Variants in SYNE2 observed in about 807,000 individuals in gnomAD.
The protein encoded by SYNE2 is spectrin repeat containing nuclear envelope protein 2.
A neutral mutation model predicts 856.3 loss-of-function variants in SYNE2; 431 were observed. The ratio of observed to expected loss-of-function variants is 0.50; its 90% CI spans 0.47 to 0.55. The LOEUF (loss-of-function observed/expected upper bound fraction) is 0.55. Among genes scored for constraint, SYNE2 ranks in the 20% least tolerant of loss-of-function variants. The pLI is 0.00. For missense variants in SYNE2, 8,129 were observed against 8,023.2 expected (o/e 1.01, Z -0.50); for synonymous variants, 2,923 against 2,872.3 (o/e 1.02, Z -0.56).
At chr14:64,194,203 G>A (rs2098530691) in intron 99 of SYNE2, among the ~76,000 whole-genome samples, 1 of 152,142 alleles carries the variant, frequency 6.6e-6, no homozygotes, top group Non-Finnish European at 1.5e-5. Flanking sequence ...TTGATGACAA[G>A]AAATATTATA....
chr14:64,180,051 T>G (rs1222720786), intron 96 of SYNE2, among the ~76,000 whole-genome samples: 2 of 152,256 alleles, frequency 1.3e-5, no homozygotes, highest in Non-Finnish European at 2.9e-5. Context: ...GATTTTTGCA[T>G]ACGTTTTAAG....
chr14:64,224,783 A>C (rs553412125), intron 114 of SYNE2, among the ~76,000 whole-genome samples: 1 of 152,178 alleles, frequency 6.6e-6, no homozygotes, highest in South Asian at 2.1e-4. Context: ...GCCATTAAAA[A>C]CTTCAACACA....
Position 64,113,505 on chromosome 14 carries a change from A to G in SYNE2, c.12774A>G (p.Ala4258=), listed in dbSNP as rs758303398. 19 of 1,614,118 alleles carry G rather than the reference A, an allele frequency of 1.2e-5. No individual in the cohort carries two copies. The highest frequency in any genetic ancestry group is 1.6e-5 in the Non-Finnish European group (19 of 1,179,990). ...TGTGGCTGCAACAAGCCAACGTGGC[A>G]GTTGAGCCGGAAACATTAAACGCAG... is the stretch of plus-strand genomic sequence containing the variant. The part of the protein sequence containing the change: ...LELWLQQANV[A]VEPETLNADM... Residue 4258 remains alanine (A), a synonymous_variant, in exon 66 of 116, where the codon GCA becomes GCG. Coordinates refer to ENST00000555002, the MANE Select transcript of SYNE2 (RefSeq NM_182914.3).
intron 22 of SYNE2, among the ~76,000 whole-genome samples, chr14:63,994,272 A>T (rs1051437436): frequency 7.9e-5 from 12 of 152,218 alleles, no homozygotes; most frequent in African/African-American, 2.9e-4. Flanking sequence ...ATTTATAGAA[A>T]GCATCTACCA....
At position 64,026,145 on chromosome 14, in the gene SYNE2, G is replaced by A. The variant is rs535623919; in HGVS notation, c.6253-434G>A. Reference sequence around the variant, plus strand: ...CCAGACGTTTTCCCAGAGAAAGTGAGAACGAGAATTAATTATGTCATGGTA... The same window carrying A: ...CCAGACGTTTTCCCAGAGAAAGTGAAAACGAGAATTAATTATGTCATGGTA... On this transcript the variant is annotated intron_variant, in intron 41 of 115. Coordinates refer to ENST00000555002, the MANE Select transcript of SYNE2 (RefSeq NM_182914.3). Among the ~76,000 whole-genome samples, 93 of 152,258 alleles carry A rather than the reference G, an allele frequency of 6.1e-4. 1 individual carries two copies. Among genetic ancestry groups the A allele is most frequent in the African/African-American group, 2.1e-3 (88 of 41,560 alleles).
intron 10 of SYNE2, among the ~76,000 whole-genome samples, chr14:63,965,389 A>G (rs777439977): frequency 6.6e-6 from 1 of 152,200 alleles, no homozygotes; most frequent in Non-Finnish European, 1.5e-5. Context: ...TTAAGGTTAC[A>G]TGGCTACTGA....
At chr14:64,190,003 G>A in intron 98 of SYNE2, 68 bp from the exon 99 acceptor site, 1 of 1,412,260 alleles carries the variant, frequency 7.1e-7, no homozygotes, top group Non-Finnish European at 1.0e-6. Flanking sequence ...GTAACTCTAT[G>A]TCTGTGGCTG....
intron 57 of SYNE2, 27 bp from the exon 58 acceptor site, chr14:64,087,644 T>C (rs775341717): frequency 6.2e-7 from 1 of 1,610,910 alleles, no homozygotes; most frequent in South Asian, 1.1e-5. Flanking sequence ...TGTTTCTCTC[T>C]ATTTTTCCCA....
intron 1 of SYNE2, among the ~76,000 whole-genome samples, chr14:63,863,533 T>C (rs1425873235): frequency 6.6e-6 from 1 of 152,226 alleles, no homozygotes; most frequent in East Asian, 1.9e-4. Flanking sequence ...TATTTTTATC[T>C]TAATTGTACA....
At chr14:63,966,379 T>C (rs2096391477) in intron 10 of SYNE2, among the ~76,000 whole-genome samples, 1 of 151,376 alleles carries the variant, frequency 6.6e-6, no homozygotes, top group African/African-American at 2.4e-5. Context: ...AAAAATTAGC[T>C]GGACGTGGTG....
chr14:64,223,274 G>T lies in SYNE2; in HGVS notation c.20276G>T (p.Gly6759Val). ...AACAGCCTTCTCATTAAGGGACATG[G>T]AGAAGACTGTATTGAAGCTGAAGAA... The part of the protein sequence containing the change: ...ISNSLLIKGH[G>V]EDCIEAEEKV... Residue 6759 changes from glycine (G) to valine (V), a missense_variant, in exon 113 of 116, where the codon GGA (glycine) becomes GTA (valine). Transcript: ENST00000555002. 6.2e-7 allele frequency: 1 copy of T among 1,614,182 alleles called. No individual in the cohort carries two copies. The highest frequency in any genetic ancestry group is 1.1e-5 in the South Asian group (1 of 91,046).
At chr14:64,047,349 A>G (rs1200009045) in intron 45 of SYNE2, among the ~76,000 whole-genome samples, 1 of 152,174 alleles carries the variant, frequency 6.6e-6, no homozygotes. Flanking sequence ...CTCAAAGGAG[A>G]GCATAACAGT....
chr14:63,877,465 G>T (rs550165791), intron 1 of SYNE2, among the ~76,000 whole-genome samples: 1 of 152,158 alleles, frequency 6.6e-6, no homozygotes, highest in Non-Finnish European at 1.5e-5. Flanking sequence ...CTGCTGAGAG[G>T]TGGTTAATTT....
intron 92 of SYNE2, 122 bp downstream of exon 92, chr14:64,167,761 T>A: frequency 7.5e-7 from 1 of 1,341,796 alleles, no homozygotes; most frequent in Non-Finnish European, 1.0e-6. Context: ...TGTATACCTT[T>A]AAGCAAATTC....
chr14:63,892,186 C>T (rs771711024), intron 1 of SYNE2, among the ~76,000 whole-genome samples: 1 of 151,332 alleles, frequency 6.6e-6, no homozygotes, highest in East Asian at 1.9e-4. Context: ...TAAAAATGCT[C>T]GTGCAGTTAT....
intron 114 of SYNE2, 30 bp from the exon 115 acceptor site, chr14:64,224,969 C>CTTACTAACTGGAG (rs1567705823): frequency 1.2e-6 from 2 of 1,606,256 alleles, no homozygotes; most frequent in Admixed American, 3.3e-5. Context: ...CTGTCTTCAA[C>CTTACTAACTGGAG]TTACTAACTG....
intron 99 of SYNE2, among the ~76,000 whole-genome samples, chr14:64,191,646 TC>T (rs2098519275): frequency 6.6e-6 from 1 of 152,192 alleles, no homozygotes; most frequent in African/African-American, 2.4e-5. Flanking sequence ...TACTTGGCCT[TC>T]TGAAAAAATA....
intron 1 of SYNE2, among the ~76,000 whole-genome samples, chr14:63,873,097 C>A (rs1049188087): frequency 1.8e-4 from 27 of 152,118 alleles, no homozygotes; most frequent in African/African-American, 6.5e-4. Context: ...GAAACAGTTA[C>A]TCATTAACAT....
chr14:64,149,918 G>A (rs1399716503), intron 84 of SYNE2, among the ~76,000 whole-genome samples: 3 of 150,908 alleles, frequency 2.0e-5, no homozygotes, highest in Admixed American at 6.6e-5. Flanking sequence ...GGCTAAATCC[G>A]TATTATTCTG....
Sources: gnomAD v4.1 joint callset for allele counts (sites outside exome capture counted in the v4.1 genomes callset) on GRCh38, gnomAD v4.1.1 for gene constraint, MANE v1.5 for transcripts, NCBI Gene and HGNC (gene_info 2026-07-23, HGNC 2026-07-21) for gene names.